The following LRIG1 variants were observed in gnomAD, a reference collection of about 807,000 sequenced individuals.
LRIG1 encodes leucine-rich repeats and immunoglobulin-like domains protein 1.
A neutral mutation model predicts 99.2 loss-of-function variants in LRIG1; 48 were observed. That is an observed-to-expected ratio of 0.48 (90% CI 0.38 to 0.62). The LOEUF is 0.62. Ranked by LOEUF, LRIG1 falls within the 20% of genes least tolerant of loss-of-function variation. The pLI is 0.00. For missense variants in LRIG1, 1,646 were observed against 1,434.4 expected (o/e 1.15, Z -2.38); for synonymous variants, 772 against 596.1 (o/e 1.29, Z -4.30).
At chr3:66,425,622 G>C (rs1702954719) in intron 3 of LRIG1, among the ~76,000 whole-genome samples, 1 of 152,190 alleles carries the variant, frequency 6.6e-6, no homozygotes, top group Admixed American at 6.5e-5. Flanking sequence ...GCTAGGAACA[G>C]TTCTTATTGG....
intron 11 of LRIG1, 64 bp downstream of exon 11, chr3:66,398,048 A>G (rs1575658923): frequency 1.5e-6 from 2 of 1,318,526 alleles, no homozygotes; most frequent in East Asian, 4.6e-5. Context: ...ATGCAATTGC[A>G]GAAGTTTCTT....
At chr3:66,434,298 C>A (rs1703269749) in intron 3 of LRIG1, among the ~76,000 whole-genome samples, 1 of 151,998 alleles carries the variant, frequency 6.6e-6, no homozygotes, top group East Asian at 1.9e-4. Context: ...AGAAAATGGG[C>A]AAAAGGCATG....
chr3:66,496,529 C>G (rs1210496320), intron 1 of LRIG1, among the ~76,000 whole-genome samples: 1 of 152,170 alleles, frequency 6.6e-6, no homozygotes, highest in Non-Finnish European at 1.5e-5. Context: ...ACTCTGAGCT[C>G]AAGCTAAAGT....
intron 1 of LRIG1, among the ~76,000 whole-genome samples, chr3:66,467,104 C>G (rs1700489633): frequency 6.6e-6 from 1 of 152,166 alleles, no homozygotes. Context: ...CAAGTTTTAT[C>G]CAGGCGTGTC....
intron 3 of LRIG1, among the ~76,000 whole-genome samples, chr3:66,445,662 A>T (rs1264389196): frequency 1.3e-5 from 2 of 152,230 alleles, no homozygotes; most frequent in Non-Finnish European, 2.9e-5. Context: ...TAAACATCAC[A>T]TGGAAAAATG....
intron 1 of LRIG1, among the ~76,000 whole-genome samples, chr3:66,468,556 C>G (rs184920784): frequency 2.8e-4 from 42 of 152,294 alleles, no homozygotes; most frequent in African/African-American, 9.9e-4. Flanking sequence ...GTTTGCTAAA[C>G]TGCATTAATA....
At chr3:66,396,516 C>T (rs1004458592) in intron 11 of LRIG1, among the ~76,000 whole-genome samples, 3 of 152,198 alleles carry the variant, frequency 2.0e-5, no homozygotes, top group Non-Finnish European at 2.9e-5. Flanking sequence ...TGGAATTAAC[C>T]ATTTCTCTCA....
chr3:66,423,379 C>T (rs1702880234), intron 3 of LRIG1, among the ~76,000 whole-genome samples: 1 of 152,098 alleles, frequency 6.6e-6, no homozygotes, highest in South Asian at 2.1e-4. Context: ...TGAGACCAGC[C>T]TGACCAACAT....
At chr3:66,450,703 T>C (rs927222488) in intron 3 of LRIG1, among the ~76,000 whole-genome samples, 2 of 152,160 alleles carry the variant, frequency 1.3e-5, no homozygotes, top group Non-Finnish European at 2.9e-5. Context: ...TTCATATAGG[T>C]GAGCAAACTA....
chr3:66,451,466 G>C, intron 3 of LRIG1, 93 bp downstream of exon 3: 1 of 1,010,946 alleles, frequency 9.9e-7, no homozygotes, highest in Non-Finnish European at 1.5e-6. Context: ...GCGAGCACAT[G>C]AACTCAAGTT....
chr3:66,492,568 TA>T (rs1200508286), intron 1 of LRIG1, among the ~76,000 whole-genome samples: 1 of 152,114 alleles, frequency 6.6e-6, no homozygotes, highest in African/African-American at 2.4e-5. Context: ...ATGCAGATCA[TA>T]AAAGATAAGA....
At chr3:66,407,548 C>A in intron 7 of LRIG1, 57 bp from the exon 8 acceptor site, 1 of 1,595,208 alleles carries the variant, frequency 6.3e-7, no homozygotes, top group Non-Finnish European at 8.6e-7. Context: ...CCCAACCCCA[C>A]CCCACCGGAA....
chr3:66,483,609 C>T (rs548316058), intron 1 of LRIG1, among the ~76,000 whole-genome samples: 4 of 152,200 alleles, frequency 2.6e-5, no homozygotes, highest in African/African-American at 7.2e-5. Context: ...CTCAAGCAAC[C>T]GAAACCAGCT....
chr3:66,383,156 G>A lies in LRIG1; in HGVS notation c.2317C>T (p.Arg773Ter). 2 of 1,614,212 alleles carry A rather than the reference G, an allele frequency of 1.2e-6. No individual in the cohort carries two copies. Among genetic ancestry groups the A allele is most frequent in the Non-Finnish European group, 1.7e-6 (2 of 1,180,038 alleles). Reference sequence around the variant, plus strand: ...AGGACGCTCAGCTGGCTGTGAGCTCGCTCCGTGCCCAGGGTGTTGGACATC... The same window carrying A: ...AGGACGCTCAGCTGGCTGTGAGCTCACTCCGTGCCCAGGGTGTTGGACATC... ...CEMSNTLGTE[R>*]AHSQLSVLPA... The change falls in exon 15 of 19, where the codon CGA becomes TGA. Residue 773 changes from arginine (R) to a stop codon, truncating the protein, a stop_gained. Coordinates refer to ENST00000273261, the MANE Select transcript of LRIG1 (RefSeq NM_015541.3). LOFTEE classifies it high-confidence loss of function.
At position 66,472,303 on chromosome 3, in the gene LRIG1, C is replaced by CAAAAAAAA. The variant is rs71105995; in HGVS notation, c.219-9802_219-9795dup. On this transcript the variant is annotated intron_variant, in intron 1 of 18. Transcript: ENST00000273261. ...TGGGTGACAGAGCAAGACTCTGTCT[C>CAAAAAAAA]AAAAAAAAAAAAAAAAAAAAAAAAA... is the stretch of plus-strand genomic sequence containing the variant. Among the ~76,000 whole-genome samples the CAAAAAAAA allele has an allele frequency of 3.4e-4, 22 of 63,866 alleles. 1 individual carries two copies. The highest frequency in any genetic ancestry group is 3.2e-3 in the Admixed American group (12 of 3,808). 41.9% of individuals were successfully genotyped at this position (63,866 alleles called of 152,430 possible).
In LRIG1 at chr3:66,380,458, A is replaced by G. The variant is rs773701510; in HGVS notation, c.3087T>C (p.Tyr1029=). 1.2e-6 allele frequency: 2 copies of G among 1,614,062 alleles called. No homozygotes were observed. Among genetic ancestry groups the G allele is most frequent in the Non-Finnish European group, 1.7e-6 (2 of 1,180,042 alleles). Reference sequence around the variant, plus strand: ...GCTGTAGCTCTGTGGAGTCCGGGTGATACAACCTTGCTAAAGTCCAGGAAG... The same window carrying G: ...GCTGTAGCTCTGTGGAGTCCGGGTGGTACAACCTTGCTAAAGTCCAGGAAG... ...GDSSWTLARL[Y]HPDSTELQPA... The change falls in exon 19 of 19, where the codon TAT becomes TAC. Residue 1029 remains tyrosine (Y), a synonymous_variant. Coordinates refer to ENST00000273261, the MANE Select transcript of LRIG1 (RefSeq NM_015541.3).
At chr3:66,407,630 C>CAT in intron 7 of LRIG1, 139 bp from the exon 8 acceptor site, 1 of 823,090 alleles carries the variant, frequency 1.2e-6, no homozygotes, top group Non-Finnish European at 1.9e-6. Context: ...CGTGCACACA[C>CAT]ACACCCACAC....
rs904137120 is a variant in LRIG1, at chr3:66,407,295, T to C, written c.1079+53A>G. The C allele has an allele frequency of 6.3e-6, 10 of 1,595,310 alleles. No homozygotes were observed. In the African/African-American group the frequency reaches 6.7e-5, roughly 11 times the overall value. On this transcript the variant is annotated intron_variant, in intron 8 of 18. Coordinates refer to ENST00000273261, the MANE Select transcript of LRIG1 (RefSeq NM_015541.3). ...TCAACAAAGCAGATGGTTTGCTCTATTCTGCTCTCCCCACTGGGGACCCCT... is the reference window on the plus strand; with the variant it reads ...TCAACAAAGCAGATGGTTTGCTCTACTCTGCTCTCCCCACTGGGGACCCCT...
intron 3 of LRIG1, among the ~76,000 whole-genome samples, chr3:66,434,837 A>G (rs1056631638): frequency 6.6e-6 from 1 of 152,148 alleles, no homozygotes; most frequent in African/African-American, 2.4e-5. Flanking sequence ...GCCGGTAGAA[A>G]TGTCAAATGG....
Sources: gnomAD v4.1 joint callset for allele counts (sites outside exome capture counted in the v4.1 genomes callset) on GRCh38, gnomAD v4.1.1 for gene constraint, MANE v1.5 for transcripts, NCBI Gene and HGNC (gene_info 2026-07-23, HGNC 2026-07-21) for gene names.